Variants in DSCAML1 observed in about 807,000 individuals in gnomAD.
DSCAML1 encodes the protein DS cell adhesion molecule like 1.
A neutral mutation model predicts 200.5 loss-of-function variants in DSCAML1; 38 were observed. That is an observed-to-expected ratio of 0.19 (90% CI 0.15 to 0.25). DSCAML1 has a LOEUF of 0.25. Among genes scored for constraint, DSCAML1 ranks in the 10% least tolerant of loss-of-function variants. The probability of loss-of-function intolerance (pLI) is 1.00; values close to 1 mark genes in which losing one functional copy is unlikely to be tolerated. For synonymous variants in DSCAML1, 1,215 were observed against 1,165.0 expected, an observed-to-expected ratio of 1.04 and a Z score of -0.87; for missense variants, 2,223 against 2,858.8, an observed-to-expected ratio of 0.78 and a Z score of 5.07.
chr11:117,437,849 C>T lies in DSCAML1; in HGVS notation c.4432+46G>A, dbSNP rs756854940. Reference sequence around the variant, plus strand: ...ATACCTGGCCCCTCTAGCCCACCCTCCCTGGGCCCATCGCTCCTTCCCTGC... The same window carrying T: ...ATACCTGGCCCCTCTAGCCCACCCTTCCTGGGCCCATCGCTCCTTCCCTGC... On this transcript the variant is annotated intron_variant, in intron 25 of 32. Transcript: ENST00000651296. The surrounding 1 kb of genome is among the most constrained non-coding windows in gnomAD (Gnocchi z 5.3). 6.5e-7 allele frequency: 1 copy of T among 1,546,906 alleles called. No homozygotes were observed. Among genetic ancestry groups the T allele is most frequent in the East Asian group, 2.3e-5 (1 of 43,802 alleles).
chr11:117,703,977 A>T (rs1009517901), intron 3 of DSCAML1, among the ~76,000 whole-genome samples: 6 of 152,182 alleles, frequency 3.9e-5, no homozygotes, highest in Non-Finnish European at 8.8e-5. Context: ...CATTTTACAG[A>T]TGAGGAAAAT....
At chr11:117,648,593 A>G (rs2052568222) in intron 3 of DSCAML1, among the ~76,000 whole-genome samples, 1 of 152,196 alleles carries the variant, frequency 6.6e-6, no homozygotes, top group African/African-American at 2.4e-5. Context: ...CAGCCCTTTC[A>G]TCATGGGTCA....
At chr11:117,627,229 T>G (rs1591337154) in intron 3 of DSCAML1, among the ~76,000 whole-genome samples, 1 of 151,142 alleles carries the variant, frequency 6.6e-6, no homozygotes, top group South Asian at 2.1e-4. Flanking sequence ...ATGGCGGGAG[T>G]TTTCCCTTCC....
At chr11:117,607,139 C>T (rs981516910) in intron 3 of DSCAML1, among the ~76,000 whole-genome samples, 5 of 152,222 alleles carry the variant, frequency 3.3e-5, no homozygotes, top group Admixed American at 6.5e-5. Flanking sequence ...GACTCTCTTC[C>T]GGGACCTGCA....
At chr11:117,562,265 GC>G (rs997351271) in intron 3 of DSCAML1, among the ~76,000 whole-genome samples, 1 of 152,138 alleles carries the variant, frequency 6.6e-6, no homozygotes, top group African/African-American at 2.4e-5. Context: ...TCCCAAGGGA[GC>G]CCCCCAAGCC....
chr11:117,722,287 C>G (rs2054052949), intron 3 of DSCAML1, among the ~76,000 whole-genome samples: 1 of 149,808 alleles, frequency 6.7e-6, no homozygotes, highest in Non-Finnish European at 1.5e-5. Context: ...ACCACATGCT[C>G]TCACTCATAT....
At chr11:117,448,196 C>T (rs531897272) in intron 20 of DSCAML1, among the ~76,000 whole-genome samples, 8 of 152,188 alleles carry the variant, frequency 5.3e-5, no homozygotes, top group East Asian at 1.9e-4. Flanking sequence ...GCGTGGCTCC[C>T]GGACACCAAC....
intron 3 of DSCAML1, among the ~76,000 whole-genome samples, chr11:117,769,224 G>A (rs770354978): frequency 0.081 from 287 of 3,550 alleles, 3 homozygotes; most frequent in Non-Finnish European, 0.19. Flanking sequence ...TATATATATT[G>A]TATATATTAT....
intron 11 of DSCAML1, among the ~76,000 whole-genome samples, chr11:117,491,667 G>C (rs144424914): frequency 6.6e-6 from 1 of 152,134 alleles, no homozygotes; most frequent in Non-Finnish European, 1.5e-5. Context: ...CCAGCTCCTC[G>C]GGAGGCTGAG....
At chr11:117,582,992 A>ATATTAT (rs6144528) in intron 3 of DSCAML1, among the ~76,000 whole-genome samples, 13,673 of 145,062 alleles carry the variant, frequency 0.094, 715 homozygotes, top group Middle Eastern at 0.18. Context: ...GGAGACAGGG[A>ATATTAT]TATTATTATT....
chr11:117,705,346 C>T (rs1038984935), intron 3 of DSCAML1, among the ~76,000 whole-genome samples: 4 of 152,194 alleles, frequency 2.6e-5, no homozygotes, highest in Non-Finnish European at 4.4e-5. Flanking sequence ...TGTTGTTTTT[C>T]TTTTAAGTTA....
intron 3 of DSCAML1, among the ~76,000 whole-genome samples, chr11:117,574,284 C>A (rs1209543375): frequency 6.6e-6 from 1 of 152,168 alleles, no homozygotes; most frequent in African/African-American, 2.4e-5. Flanking sequence ...CTAGAGAGGC[C>A]TGGTACTCAG....
At chr11:117,816,808 G>GGGGGC (rs1555038478) in intron 1 of DSCAML1, among the ~76,000 whole-genome samples, 64 of 128,194 alleles carry the variant, frequency 5.0e-4, no homozygotes, top group African/African-American at 1.6e-3. Context: ...TGGGGGGGTG[G>GGGGGC]GGTGGAGATT....
intron 20 of DSCAML1, among the ~76,000 whole-genome samples, chr11:117,449,809 G>A (rs2048250202): frequency 6.6e-6 from 1 of 151,006 alleles, no homozygotes; most frequent in Non-Finnish European, 1.5e-5. Flanking sequence ...AGGACTTGGT[G>A]GTTGACTGGC....
chr11:117,815,036 C>G (rs1352050290), intron 1 of DSCAML1, among the ~76,000 whole-genome samples: 2 of 152,200 alleles, frequency 1.3e-5, no homozygotes, highest in Non-Finnish European at 2.9e-5. Context: ...GCTCCTGGCT[C>G]GGGGCCAAGC....
chr11:117,686,226 G>C (rs1183607907), intron 3 of DSCAML1, among the ~76,000 whole-genome samples: 2 of 152,196 alleles, frequency 1.3e-5, no homozygotes, highest in East Asian at 3.8e-4. Context: ...CCTTAGCTTA[G>C]AGTTTAGTAA....
At chr11:117,435,941 TC>T in intron 26 of DSCAML1, 142 bp from the exon 27 acceptor site, 2 of 787,168 alleles carry the variant, frequency 2.5e-6, no homozygotes, top group Non-Finnish European at 3.7e-6. Flanking sequence ...ACCCTGGACT[TC>T]CCCTCTGCTC....
intron 29 of DSCAML1, 31 bp from the exon 30 acceptor site, chr11:117,432,535 C>T: frequency 6.3e-7 from 1 of 1,596,622 alleles, no homozygotes; most frequent in African/African-American, 1.4e-5. Context: ...ACTGGGAGTC[C>T]TTTACAATTG....
At chr11:117,743,663 G>A (rs1395808615) in intron 3 of DSCAML1, among the ~76,000 whole-genome samples, 1 of 152,214 alleles carries the variant, frequency 6.6e-6, no homozygotes, top group Non-Finnish European at 1.5e-5. Flanking sequence ...CTCTCACTCA[G>A]TCTCTCAGGC....
Sources: gnomAD v4.1 joint callset for allele counts (sites outside exome capture counted in the v4.1 genomes callset) on GRCh38, gnomAD v4.1.1 for gene constraint, Gnocchi (gnomAD v3.1) non-coding constraint, MANE v1.5 for transcripts, NCBI Gene and HGNC (gene_info 2026-07-23, HGNC 2026-07-21) for gene names.